The following ANXA1 variants were observed in gnomAD, a reference collection of about 807,000 sequenced individuals.
The protein encoded by ANXA1 is annexin A1, also known as annexin I (lipocortin I).
In ANXA1, 39 loss-of-function variants were observed where a neutral mutation model predicts 47.9. The observed-to-expected ratio is 0.81, with a 90% CI of 0.63 to 1.06. The LOEUF (loss-of-function observed/expected upper bound fraction) is 1.06. ANXA1 is among the 50% of genes least tolerant of loss of function. The probability of loss-of-function intolerance (pLI) is 0.00; values close to 1 mark genes in which losing one functional copy is unlikely to be tolerated. For synonymous variants in ANXA1, 146 were observed against 142.5 expected (o/e 1.02, Z -0.17); for missense variants, 446 against 422.7 (o/e 1.06, Z -0.48).
Position 73,166,119 on chromosome 9 carries a change from C to T in ANXA1, c.729C>T (p.Tyr243=), listed in dbSNP as rs146251070. The change falls in exon 10 of 13, where the codon TAC becomes TAT. Residue 243 remains tyrosine (Y), a synonymous_variant. Coordinates refer to ENST00000257497, the MANE Select transcript of ANXA1 (RefSeq NM_000700.3). ...LRRVFQKYTK[Y]SKHDMNKVLD... ...CAGTGTTTCAGAAATACACCAAGTA[C>T]AGTAAGCATGACATGAACAAAGTTC... is the stretch of plus-strand genomic sequence containing the variant. 23 of 1,611,092 alleles carry T rather than the reference C, an allele frequency of 1.4e-5. No individual in the cohort carries two copies. The African/African-American group carries it at 2.8e-4, about 20-fold the overall frequency.
intron 10 of ANXA1, among the ~76,000 whole-genome samples, chr9:73,167,215 A>G (rs1342018): frequency 0.42 from 63,292 of 151,912 alleles, 15,468 homozygotes; most frequent in Non-Finnish European, 0.55. Flanking sequence ...ACTCCCAAGG[A>G]GAATATATGT....
At chr9:73,152,826 A>G (rs894318682) in intron 1 of ANXA1, among the ~76,000 whole-genome samples, 1 of 152,004 alleles carries the variant, frequency 6.6e-6, no homozygotes, top group African/African-American at 2.4e-5. Flanking sequence ...GTATCTGGCT[A>G]TTTTTTTCTT....
At position 73,158,518 on chromosome 9, in the gene ANXA1, C is replaced by T. The variant is rs1181661198; in HGVS notation, c.-14-4C>T. 2 of 1,612,244 alleles carry T rather than the reference C, an allele frequency of 1.2e-6. No homozygotes were observed. Among genetic ancestry groups the T allele is most frequent in the East Asian group, 2.2e-5 (1 of 44,822 alleles). On this transcript the variant is annotated splice_region_variant and splice_polypyrimidine_tract_variant and intron_variant, in intron 1 of 12. Transcript: ENST00000257497. Reference sequence around the variant, plus strand: ...GTAAAAGCATCTAACTGTTTTCTTTCCAGACACTTTTTCAAAAATGGCAAT... The same window carrying T: ...GTAAAAGCATCTAACTGTTTTCTTTTCAGACACTTTTTCAAAAATGGCAAT...
In ANXA1 at chr9:73,166,086, T is replaced by C; in HGVS notation, c.707-11T>C. On this transcript the variant is annotated splice_polypyrimidine_tract_variant and intron_variant, in intron 9 of 12. Coordinates refer to ENST00000257497, the MANE Select transcript of ANXA1 (RefSeq NM_000700.3). ...GTTTTGCATGTATCTTAGTTTGAATTTAATATTCAGTGTTTCAGAAATACA... is the reference window on the plus strand; with the variant it reads ...GTTTTGCATGTATCTTAGTTTGAATCTAATATTCAGTGTTTCAGAAATACA... 1 of 1,587,164 alleles carries C rather than the reference T, an allele frequency of 6.3e-7. No homozygotes were observed. Among genetic ancestry groups the C allele is most frequent in the Non-Finnish European group, 8.6e-7 (1 of 1,164,372 alleles).
In ANXA1 at chr9:73,170,352, AG is replaced by A; in HGVS notation, c.*246del. The A allele has an allele frequency of 3.1e-6, 1 of 326,912 alleles. No individual in the cohort carries two copies. Among genetic ancestry groups the A allele is most frequent in the East Asian group, 4.8e-5 (1 of 20,984 alleles). The allele number at this position is 326,912 out of a possible 1,614,324, so 20.3% of individuals were successfully genotyped here. ...TTGTTCTAGTAACAATACATGAGAA[AG>A]ATGTCTATGTAGCTGAAAATAAAAT... On this transcript the variant is annotated 3_prime_UTR_variant, in exon 13 of 13. Coordinates refer to ENST00000257497, the MANE Select transcript of ANXA1 (RefSeq NM_000700.3).
intron 5 of ANXA1, among the ~76,000 whole-genome samples, 155 bp from the exon 6 acceptor site, chr9:73,160,648 G>A (rs1252760130): frequency 6.6e-6 from 1 of 151,936 alleles, no homozygotes; most frequent in Non-Finnish European, 1.5e-5. Flanking sequence ...TTTTGTTTTA[G>A]GGCAATGTAA....
At position 73,170,033 on chromosome 9, in the gene ANXA1, C is replaced by A; in HGVS notation, c.985-18C>A. On this transcript the variant is annotated intron_variant, in intron 12 of 12. Coordinates refer to ENST00000257497, the MANE Select transcript of ANXA1 (RefSeq NM_000700.3). Reference sequence around the variant, plus strand: ...TGGTTTCGACTAACATTAAGTATACCTTTTTTTGAATCAACAGGATGAAAC... The same window carrying A: ...TGGTTTCGACTAACATTAAGTATACATTTTTTTGAATCAACAGGATGAAAC... 1.3e-6 allele frequency: 2 copies of A among 1,586,320 alleles called. No individual in the cohort carries two copies. The highest frequency in any genetic ancestry group is 1.7e-6 in the Non-Finnish European group (2 of 1,165,826).
At position 73,170,144 on chromosome 9, in the gene ANXA1, C is replaced by T; in HGVS notation, c.*37C>T. ...ATGGTCTCAAGCTATGATCAGAAGACTTTAATTATATATTTTCATCCTATA... is the reference window on the plus strand; with the variant it reads ...ATGGTCTCAAGCTATGATCAGAAGATTTTAATTATATATTTTCATCCTATA... On this transcript the variant is annotated 3_prime_UTR_variant, in exon 13 of 13. Transcript: ENST00000257497. The T allele has an allele frequency of 6.5e-7, 1 of 1,544,572 alleles. No homozygotes were observed. Among genetic ancestry groups the T allele is most frequent in the East Asian group, 2.3e-5 (1 of 44,082 alleles).
intron 8 of ANXA1, among the ~76,000 whole-genome samples, chr9:73,164,684 A>G (rs575104840): frequency 6.6e-6 from 1 of 152,294 alleles, no homozygotes; most frequent in East Asian, 1.9e-4. Flanking sequence ...TTGAAATTGC[A>G]GAGTCAGAAT....
intron 11 of ANXA1, 114 bp from the exon 12 acceptor site, chr9:73,168,918 T>TGTGTG: frequency 8.8e-6 from 8 of 905,272 alleles, no homozygotes; most frequent in Admixed American, 2.4e-5. Context: ...TGTGTATAGC[T>TGTGTG]AGTTTCTCTA....
chr9:73,161,457 A>C (rs1175059855), intron 6 of ANXA1, among the ~76,000 whole-genome samples: 4 of 152,268 alleles, frequency 2.6e-5, no homozygotes, highest in East Asian at 1.9e-4. Flanking sequence ...AGCTTATTTT[A>C]TCTCTCCAGT....
chr9:73,167,798 T>G (rs1423940934), intron 11 of ANXA1: 1 of 432,226 alleles, frequency 2.3e-6, no homozygotes, highest in Non-Finnish European at 4.1e-6. Context: ...TCACTTGTGA[T>G]TTGCTTAAAA....
At chr9:73,155,847 A>C (rs887730971) in intron 1 of ANXA1, among the ~76,000 whole-genome samples, 1 of 151,896 alleles carries the variant, frequency 6.6e-6, no homozygotes, top group Admixed American at 6.6e-5. Context: ...TCTCTTTCAA[A>C]TAAGTGACTT....
In ANXA1 at chr9:73,159,322, T is replaced by C. The variant is rs10114350; in HGVS notation, c.176-7T>C. The C allele has an allele frequency of 1.2e-3, 1,953 of 1,612,494 alleles. 20 individuals are homozygous for C. The African/African-American group carries it at 0.022, about 18-fold the overall frequency. On this transcript the variant is annotated splice_polypyrimidine_tract_variant and splice_region_variant and intron_variant, in intron 3 of 12. Transcript: ENST00000257497. Reference sequence around the variant, plus strand: ...GGTGTTAAAGGCTGTTGGCCCTTTATTTCCAGGTGTGGATGAAGCAACCAT... The same window carrying C: ...GGTGTTAAAGGCTGTTGGCCCTTTACTTCCAGGTGTGGATGAAGCAACCAT...
intron 9 of ANXA1, 152 bp downstream of exon 9, chr9:73,165,361 A>G (rs1167774943): frequency 5.3e-5 from 30 of 566,192 alleles, no homozygotes. Flanking sequence ...TTATTTGTCA[A>G]TTTGTCCAAT....
chr9:73,165,196 A>G lies in ANXA1; in HGVS notation c.693A>G (p.Pro231=), dbSNP rs767008650. ...FNTILTTRSY[P]QLRRVFQKYT... ...CCATCCTTACCACCAGAAGCTATCC[A>G]CAACTTCGCAGAGGTAACAATAAAT... Residue 231 remains proline, a synonymous_variant, in exon 9 of 13, where the codon CCA becomes CCG. Coordinates refer to ENST00000257497, the MANE Select transcript of ANXA1 (RefSeq NM_000700.3). 3.1e-6 allele frequency: 5 copies of G among 1,612,508 alleles called. No homozygotes were observed. The highest frequency in any genetic ancestry group is 1.1e-5 in the South Asian group (1 of 91,034).
chr9:73,166,045 T>C (rs1342335115), intron 9 of ANXA1, 52 bp from the exon 10 acceptor site: 2 of 1,430,570 alleles, frequency 1.4e-6, no homozygotes, highest in African/African-American at 1.4e-5. Context: ...TGCTAAAGCT[T>C]TCTAAAGAAA....
chr9:73,163,758 A>G (rs1824182720), intron 8 of ANXA1, among the ~76,000 whole-genome samples: 1 of 152,182 alleles, frequency 6.6e-6, no homozygotes, highest in South Asian at 2.1e-4. Context: ...AGAGAACTGA[A>G]GAAGGACAAT....
chr9:73,156,567 C>T (rs1824051798), intron 1 of ANXA1, among the ~76,000 whole-genome samples: 1 of 152,160 alleles, frequency 6.6e-6, no homozygotes, highest in Non-Finnish European at 1.5e-5. Context: ...AGAGCAATCC[C>T]ATGCGAATTA....
Sources: gnomAD v4.1 joint callset for allele counts (sites outside exome capture counted in the v4.1 genomes callset) on GRCh38, gnomAD v4.1.1 for gene constraint, MANE v1.5 for transcripts, NCBI Gene and HGNC (gene_info 2026-07-23, HGNC 2026-07-21) for gene names.